The following GLCE variants were observed in gnomAD, a reference collection of about 807,000 sequenced individuals.
GLCE encodes the protein glucuronic acid epimerase.
Under a neutral mutation model 47.9 loss-of-function variants are expected in GLCE, and 19 were observed. That is an observed-to-expected ratio of 0.40 (90% CI 0.28 to 0.58). The LOEUF (loss-of-function observed/expected upper bound fraction) is 0.58. Among genes scored for constraint, GLCE ranks in the 20% least tolerant of loss-of-function variants. The pLI, the probability that GLCE is intolerant of heterozygous loss-of-function variation, is 0.48. For missense variants in GLCE, 556 were observed against 743.3 expected, an observed-to-expected ratio of 0.75 and a Z score of 2.93; for synonymous variants, 245 against 263.4, an observed-to-expected ratio of 0.93 and a Z score of 0.68.
chr15:69,252,955 C>T (rs2052867222), intron 2 of GLCE, among the ~76,000 whole-genome samples: 1 of 152,120 alleles, frequency 6.6e-6, no homozygotes, highest in African/African-American at 2.4e-5. Context: ...TGGGTTTCCA[C>T]TTCTTAAAAT....
At chr15:69,198,260 G>T (rs1417739253) in intron 1 of GLCE, among the ~76,000 whole-genome samples, 1 of 151,966 alleles carries the variant, frequency 6.6e-6, no homozygotes, top group African/African-American at 2.4e-5. Context: ...TCAACTATTG[G>T]TTCTTTGACT....
chr15:69,199,749 G>A (rs999661057), intron 1 of GLCE, among the ~76,000 whole-genome samples: 1 of 152,130 alleles, frequency 6.6e-6, no homozygotes, highest in Non-Finnish European at 1.5e-5. Context: ...GCCACTTGGG[G>A]AGTTTAAAAA....
At chr15:69,260,553 C>G (rs1376086963) in intron 3 of GLCE, 1 of 153,930 alleles carries the variant, frequency 6.5e-6, no homozygotes, top group African/African-American at 2.4e-5. Flanking sequence ...AGCCACCGTG[C>G]CTGGCCACAA....
chr15:69,213,790 G>A (rs771020973), intron 2 of GLCE, among the ~76,000 whole-genome samples: 4 of 152,050 alleles, frequency 2.6e-5, no homozygotes, highest in Non-Finnish European at 4.4e-5. Flanking sequence ...TCTATTCTCC[G>A]TATTTCCTCT....
intron 1 of GLCE, among the ~76,000 whole-genome samples, chr15:69,187,438 T>G (rs1047186316): frequency 4.6e-5 from 7 of 152,200 alleles, no homozygotes; most frequent in Non-Finnish European, 1.0e-4. Context: ...TGAGAGAGTA[T>G]TATTGTCCCC....
At chr15:69,219,170 T>C (rs981218147) in intron 2 of GLCE, among the ~76,000 whole-genome samples, 2 of 152,070 alleles carry the variant, frequency 1.3e-5, no homozygotes, top group African/African-American at 4.8e-5. Context: ...AGCAGTCTTA[T>C]TGTATACTTA....
intron 2 of GLCE, among the ~76,000 whole-genome samples, chr15:69,229,085 T>C (rs2052485815): frequency 6.6e-6 from 1 of 152,306 alleles, no homozygotes; most frequent in Non-Finnish European, 1.5e-5. Flanking sequence ...AAAGGAAAGC[T>C]GATGAAGCTA....
At position 69,229,144 on chromosome 15, in the gene GLCE, G is replaced by A. The variant is rs1036561455; in HGVS notation, c.-14+18738G>A. On this transcript the variant is annotated intron_variant, in intron 2 of 4. Transcript: ENST00000261858. ...ATTAAGGCAAAAAGCAATACTAGAC[G>A]TAAAGAAGGTCATTTCATAATAATA... is the stretch of plus-strand genomic sequence containing the variant. Among the ~76,000 whole-genome samples, 7 of 152,262 alleles carry A rather than the reference G, an allele frequency of 4.6e-5. No individual in the cohort carries two copies. In the South Asian group the frequency reaches 1.2e-3, roughly 27 times the overall value.
intron 2 of GLCE, among the ~76,000 whole-genome samples, chr15:69,215,117 G>A (rs909301073): frequency 6.6e-6 from 1 of 152,138 alleles, no homozygotes; most frequent in East Asian, 1.9e-4. Context: ...CATTCTTTGT[G>A]TTGTAGTTTT....
intron 2 of GLCE, among the ~76,000 whole-genome samples, chr15:69,212,336 G>A (rs2052244626): frequency 6.6e-6 from 1 of 151,726 alleles, no homozygotes; most frequent in South Asian, 2.1e-4. Context: ...TTGTGTTCTA[G>A]TTGTGGTACT....
At chr15:69,196,337 A>C (rs1298007916) in intron 1 of GLCE, 1 of 152,714 alleles carries the variant, frequency 6.5e-6, no homozygotes, top group Non-Finnish European at 1.5e-5. Flanking sequence ...TGGTTATGTT[A>C]TACATAATTT....
At chr15:69,213,593 A>G (rs2052263509) in intron 2 of GLCE, among the ~76,000 whole-genome samples, 1 of 152,132 alleles carries the variant, frequency 6.6e-6, no homozygotes, top group Non-Finnish European at 1.5e-5. Flanking sequence ...TGATCACTTG[A>G]TTATGGTGGT....
At chr15:69,166,193 C>T (rs2051498827) in intron 1 of GLCE, among the ~76,000 whole-genome samples, 1 of 152,142 alleles carries the variant, frequency 6.6e-6, no homozygotes. Flanking sequence ...TTAATAATTG[C>T]TTTACATACA....
intron 2 of GLCE, among the ~76,000 whole-genome samples, chr15:69,233,853 C>A (rs577007016): frequency 1.3e-5 from 2 of 152,214 alleles, no homozygotes; most frequent in African/African-American, 4.8e-5. Context: ...CTTAAGGAAG[C>A]AATTTTTAAA....
intron 4 of GLCE, chr15:69,266,704 A>C (rs761737541): frequency 2.8e-5 from 25 of 897,982 alleles, no homozygotes; most frequent in Non-Finnish European, 3.1e-5. Context: ...CTATGGCTGC[A>C]TCTAAGAGAA....
chr15:69,197,844 T>C (rs914601977), intron 1 of GLCE, among the ~76,000 whole-genome samples: 12 of 151,944 alleles, frequency 7.9e-5, no homozygotes, highest in African/African-American at 2.4e-4. Flanking sequence ...CTTTAAAAAA[T>C]TTTTTGGTTC....
intron 2 of GLCE, among the ~76,000 whole-genome samples, chr15:69,214,251 G>A (rs557593660): frequency 3.3e-4 from 50 of 152,208 alleles, no homozygotes; most frequent in African/African-American, 1.2e-3. Flanking sequence ...TACTGATATG[G>A]TTAGGCTTTG....
At chr15:69,232,274 TTA>T (rs1286887221) in intron 2 of GLCE, among the ~76,000 whole-genome samples, 5 of 152,234 alleles carry the variant, frequency 3.3e-5, no homozygotes, top group Non-Finnish European at 5.9e-5. Context: ...AGAATAGTCA[TTA>T]ATGTCTTTCT....
intron 1 of GLCE, among the ~76,000 whole-genome samples, chr15:69,193,082 C>T (rs1279458744): frequency 1.3e-5 from 2 of 150,716 alleles, no homozygotes; most frequent in African/African-American, 4.9e-5. Context: ...TCTGCCCCCT[C>T]CCCCTCCCCC....
Sources: allele counts gnomAD v4.1 joint callset (sites outside exome capture counted in the v4.1 genomes callset), GRCh38; gene constraint gnomAD v4.1.1; transcripts MANE v1.5; gene names NCBI Gene and HGNC (gene_info 2026-07-23, HGNC 2026-07-21).